TCF4: variants seen among roughly 807,000 people sequenced by gnomAD.
TCF4 encodes transcription factor 4.
TCF4 carries 3 observed loss-of-function variants against 82.1 expected under a neutral mutation model. That is an observed-to-expected ratio of 0.04 (90% CI 0.02 to 0.09). The LOEUF (loss-of-function observed/expected upper bound fraction) is 0.09. Among genes scored for constraint, TCF4 ranks in the 10% least tolerant of loss-of-function variants. The probability of loss-of-function intolerance (pLI) is 1.00; values close to 1 mark genes in which losing one functional copy is unlikely to be tolerated. For missense variants in TCF4, 518 were observed against 852.7 expected (o/e 0.61, Z 4.89); for synonymous variants, 276 against 309.6 (o/e 0.89, Z 1.14).
intron 8 of TCF4, among the ~76,000 whole-genome samples, chr18:55,338,205 G>A (rs973192066): frequency 2.0e-5 from 3 of 152,132 alleles, no homozygotes; most frequent in Admixed American, 6.5e-5. Flanking sequence ...CTGCCCCACC[G>A]TGCGACGACA....
intron 4 of TCF4, among the ~76,000 whole-genome samples, chr18:55,463,107 G>T (rs1414937703): frequency 1.3e-5 from 2 of 152,100 alleles, no homozygotes; most frequent in Non-Finnish European, 2.9e-5. Flanking sequence ...TATATATATA[G>T]CTGGTTGGGA....
chr18:55,520,189 T>C (rs1327081560), intron 3 of TCF4, among the ~76,000 whole-genome samples: 1 of 152,214 alleles, frequency 6.6e-6, no homozygotes, highest in African/African-American at 2.4e-5. Context: ...TAAGAATGTC[T>C]CTAGGAATCA....
intron 8 of TCF4, chr18:55,321,481 A>C: frequency 2.3e-6 from 2 of 867,588 alleles, no homozygotes; most frequent in Non-Finnish European, 3.6e-6. Context: ...AGTGGGGGGA[A>C]AAAAAGACGA....
chr18:55,581,246 T>G (rs1227265769), intron 3 of TCF4, among the ~76,000 whole-genome samples: 1 of 152,012 alleles, frequency 6.6e-6, no homozygotes, highest in African/African-American at 2.4e-5. Flanking sequence ...ATAAAGGATT[T>G]GCAGGGCCAT....
Position 55,586,130 on chromosome 18 carries a change from AG to A in TCF4, c.73-779del, listed in dbSNP as rs2097643213. ...GAAGGTCTAGAAGAGGAGGAGGAGG[AG>A]GAGAAGGAGGAGGAGGAGGAGGAGC... On this transcript the variant is annotated intron_variant, in intron 2 of 19. Transcript: ENST00000354452. 35 of 1,442,280 alleles carry A rather than the reference AG, an allele frequency of 2.4e-5. 6 individuals carry two copies. The highest frequency in any genetic ancestry group is 7.3e-5 in the South Asian group (6 of 81,826). 89.3% of individuals were successfully genotyped at this position (1,442,280 alleles called of 1,614,324 possible).
At chr18:55,501,587 G>C (rs374738612) in intron 3 of TCF4, among the ~76,000 whole-genome samples, 1 of 152,052 alleles carries the variant, frequency 6.6e-6, no homozygotes, top group Admixed American at 6.6e-5. Context: ...GAAAAGGACA[G>C]GTTGGGTTTT....
chr18:55,362,257 G>A (rs1218342810), intron 6 of TCF4, among the ~76,000 whole-genome samples: 12 of 151,262 alleles, frequency 7.9e-5, no homozygotes, highest in African/African-American at 1.2e-4. Context: ...TGGAGGCTGC[G>A]GTGAGTTATG....
chr18:55,584,540 T>G (rs796855348), intron 3 of TCF4, among the ~76,000 whole-genome samples: 1 of 152,130 alleles, frequency 6.6e-6, no homozygotes. Flanking sequence ...CGAATAGCCC[T>G]GTAATAAACC....
chr18:55,563,126 C>A (rs912762424), intron 3 of TCF4, among the ~76,000 whole-genome samples: 6 of 150,762 alleles, frequency 4.0e-5, no homozygotes, highest in African/African-American at 1.5e-4. Context: ...GTGGTTCCAG[C>A]TAGTTGGGAG....
At chr18:55,244,983 A>G (rs928976028) in intron 15 of TCF4, among the ~76,000 whole-genome samples, 1 of 152,358 alleles carries the variant, frequency 6.6e-6, no homozygotes, top group Non-Finnish European at 1.5e-5. Context: ...ATGCTTCCCT[A>G]AAGATGTCAT....
chr18:55,584,650 C>G (rs575141916), intron 3 of TCF4, among the ~76,000 whole-genome samples: 1 of 151,836 alleles, frequency 6.6e-6, no homozygotes, highest in South Asian at 2.1e-4. Context: ...ATTTATAAAA[C>G]GTAAAAGTCC....
intron 3 of TCF4, among the ~76,000 whole-genome samples, chr18:55,524,235 T>C (rs2096958429): frequency 6.6e-6 from 1 of 152,116 alleles, no homozygotes; most frequent in Non-Finnish European, 1.5e-5. Context: ...AAGAATGTTT[T>C]TCTGCAAGAC....
At chr18:55,432,827 G>A (rs957779057) in intron 5 of TCF4, among the ~76,000 whole-genome samples, 1 of 152,136 alleles carries the variant, frequency 6.6e-6, no homozygotes, top group African/African-American at 2.4e-5. Context: ...AGTGTGCTTG[G>A]CAAATACAAG....
chr18:55,247,902 A>G (rs904629807), intron 15 of TCF4, among the ~76,000 whole-genome samples: 9 of 152,204 alleles, frequency 5.9e-5, no homozygotes, highest in Admixed American at 5.2e-4. Flanking sequence ...GGCTGGACCT[A>G]GGAAGAACTT....
At chr18:55,558,141 G>A (rs940998906) in intron 3 of TCF4, among the ~76,000 whole-genome samples, 2 of 152,138 alleles carry the variant, frequency 1.3e-5, no homozygotes, top group African/African-American at 4.8e-5. Flanking sequence ...GAGCCCAGGA[G>A]TTCGAGGCTG....
intron 6 of TCF4, among the ~76,000 whole-genome samples, chr18:55,354,599 T>C (rs535448575): frequency 1.2e-4 from 18 of 152,324 alleles, no homozygotes; most frequent in Middle Eastern, 6.8e-3. Context: ...AATTATCAAC[T>C]TTTTTCTAGT....
In TCF4 at chr18:55,411,703, G is replaced by A. The variant is rs545361938; in HGVS notation, c.305-8185C>T. ...TCCTGGGTTCTCTTCTCCATGGTAC[G>A]TGAATTCGGTAGAGTCTGGCATTCT... On this transcript the variant is annotated intron_variant, in intron 5 of 19. Transcript: ENST00000354452. 5.3e-5 allele frequency among the ~76,000 whole-genome samples: 8 copies of A among 152,102 alleles called. No homozygotes were observed. The South Asian group carries it at 8.3e-4, about 16-fold the overall frequency.
At chr18:55,373,758 A>G (rs2089992062) in intron 6 of TCF4, among the ~76,000 whole-genome samples, 1 of 152,142 alleles carries the variant, frequency 6.6e-6, no homozygotes, top group Non-Finnish European at 1.5e-5. Flanking sequence ...GGTTGCACTG[A>G]GCTGAGATCG....
intron 6 of TCF4, among the ~76,000 whole-genome samples, chr18:55,385,244 CA>C (rs2092480622): frequency 6.6e-6 from 1 of 152,148 alleles, no homozygotes. Flanking sequence ...TGAATTTGAA[CA>C]AAATACAAAT....
Sources: gnomAD v4.1 joint callset for allele counts (sites outside exome capture counted in the v4.1 genomes callset) on GRCh38, gnomAD v4.1.1 for gene constraint, MANE v1.5 for transcripts, NCBI Gene and HGNC (gene_info 2026-07-23, HGNC 2026-07-21) for gene names.